SORCS2: variants seen among roughly 807,000 people sequenced by gnomAD.
SORCS2 encodes the protein VPS10 domain-containing receptor SorCS2.
SORCS2 carries 100 observed loss-of-function variants against 141.6 expected under a neutral mutation model. The ratio of observed to expected loss-of-function variants is 0.71; its 90% CI spans 0.60 to 0.83. SORCS2 has a LOEUF of 0.83. SORCS2 is among the 40% of genes least tolerant of loss of function. SORCS2 has a pLI of 0.00. For synonymous variants in SORCS2, 789 were observed against 676.9 expected, an observed-to-expected ratio of 1.17 and a Z score of -2.57; for missense variants, 1,646 against 1,560.2, an observed-to-expected ratio of 1.05 and a Z score of -0.93.
intron 1 of SORCS2, among the ~76,000 whole-genome samples, chr4:7,298,595 G>A (rs1030406887): frequency 1.2e-4 from 19 of 152,292 alleles, no homozygotes; most frequent in Non-Finnish European, 2.1e-4. Context: ...AAGGACCCAG[G>A]TTTCTGCCGC....
rs905387142 is a variant in SORCS2, at chr4:7,201,502, G to A, written c.480+8376G>A. Among the ~76,000 whole-genome samples, 11 of 152,212 alleles carry A rather than the reference G, an allele frequency of 7.2e-5. No homozygotes were observed. Among genetic ancestry groups the A allele is most frequent in the African/African-American group, 2.4e-4 (10 of 41,464 alleles). ...CTTGCGTGGGCCTCTCGGCGTAGCC[G>A]TTACTTTATTTTATGGTGATTTTTC... On this transcript the variant is annotated intron_variant, in intron 1 of 26. Transcript: ENST00000507866. The surrounding 1 kb of genome is among the most constrained non-coding windows in gnomAD (Gnocchi z 4.4).
At chr4:7,574,959 C>T (rs890615335) in intron 3 of SORCS2, among the ~76,000 whole-genome samples, 3 of 152,204 alleles carry the variant, frequency 2.0e-5, no homozygotes, top group Non-Finnish European at 4.4e-5. Context: ...CAAGAGCACT[C>T]CAGATGCCTG....
chr4:7,381,603 C>T (rs528559297), intron 1 of SORCS2, among the ~76,000 whole-genome samples: 14 of 152,176 alleles, frequency 9.2e-5, no homozygotes, highest in Non-Finnish European at 1.6e-4. Flanking sequence ...TAAGAGGAAC[C>T]CCTCAGGCAG....
chr4:7,476,555 C>T (rs1730304817), intron 2 of SORCS2, among the ~76,000 whole-genome samples: 1 of 151,876 alleles, frequency 6.6e-6, no homozygotes, highest in South Asian at 2.1e-4. Context: ...CAGGTTGACA[C>T]ATAAAACCTG....
chr4:7,317,037 A>T (rs1718607409), intron 1 of SORCS2, among the ~76,000 whole-genome samples: 1 of 152,178 alleles, frequency 6.6e-6, no homozygotes. Context: ...ACTCTCTCCA[A>T]GCAGCCATAG....
At chr4:7,284,073 A>C (rs189448571) in intron 1 of SORCS2, among the ~76,000 whole-genome samples, 1 of 152,108 alleles carries the variant, frequency 6.6e-6, no homozygotes, top group Non-Finnish European at 1.5e-5. Flanking sequence ...AGCCATCACA[A>C]AGTCAGAGGA....
At chr4:7,280,865 G>A (rs534968623) in intron 1 of SORCS2, among the ~76,000 whole-genome samples, 1 of 152,330 alleles carries the variant, frequency 6.6e-6, no homozygotes, top group East Asian at 1.9e-4. Flanking sequence ...GTCAGCACCT[G>A]GTACCCGGTG....
At chr4:7,496,644 G>C (rs1229338817) in intron 2 of SORCS2, among the ~76,000 whole-genome samples, 1 of 151,988 alleles carries the variant, frequency 6.6e-6, no homozygotes, top group African/African-American at 2.4e-5. Context: ...GAGAGTGGCC[G>C]GGAGAAAGGA....
At chr4:7,249,019 G>C (rs1446522553) in intron 1 of SORCS2, among the ~76,000 whole-genome samples, 2 of 152,248 alleles carry the variant, frequency 1.3e-5, no homozygotes, top group Admixed American at 6.5e-5. Context: ...GGATTATGCA[G>C]TTTGTATCAG....
chr4:7,240,988 G>C (rs998017399), intron 1 of SORCS2, among the ~76,000 whole-genome samples: 2 of 152,182 alleles, frequency 1.3e-5, no homozygotes, highest in African/African-American at 4.8e-5. Context: ...AGGCTGGAGT[G>C]CAATGGCACG....
intron 4 of SORCS2, among the ~76,000 whole-genome samples, chr4:7,640,144 AGT>A (rs1373636282): frequency 3.3e-5 from 5 of 150,296 alleles, no homozygotes; most frequent in African/African-American, 9.8e-5. Flanking sequence ...AGTGTACATG[AGT>A]GTGTGGTGTG....
intron 2 of SORCS2, among the ~76,000 whole-genome samples, chr4:7,480,567 G>C (rs1237479857): frequency 6.6e-6 from 1 of 152,200 alleles, no homozygotes; most frequent in Admixed American, 6.5e-5. Flanking sequence ...CCCAGCCCTC[G>C]CTCCACCCTC....
chr4:7,222,634 C>T (rs1728778755), intron 1 of SORCS2, among the ~76,000 whole-genome samples: 1 of 152,172 alleles, frequency 6.6e-6, no homozygotes, highest in African/African-American at 2.4e-5. Context: ...AGAGCTGTTT[C>T]AAGAGAAGGG....
At chr4:7,332,109 T>C (rs534770834) in intron 1 of SORCS2, among the ~76,000 whole-genome samples, 4 of 152,318 alleles carry the variant, frequency 2.6e-5, no homozygotes, top group Admixed American at 2.6e-4. Flanking sequence ...GAGCACCAAC[T>C]GTGTGCCTGG....
At chr4:7,631,003 A>G (rs1005647763) in intron 3 of SORCS2, among the ~76,000 whole-genome samples, 1 of 151,150 alleles carries the variant, frequency 6.6e-6, no homozygotes, top group Non-Finnish European at 1.5e-5. Flanking sequence ...CCAGAGCTCT[A>G]GCGAGGCGAG....
At chr4:7,518,434 A>G (rs1382649997) in intron 2 of SORCS2, among the ~76,000 whole-genome samples, 2 of 152,246 alleles carry the variant, frequency 1.3e-5, no homozygotes, top group African/African-American at 4.8e-5. Context: ...TCCTCTCCAC[A>G]GAAGGCAGCT....
intron 1 of SORCS2, among the ~76,000 whole-genome samples, chr4:7,229,886 G>A (rs1711709858): frequency 6.7e-6 from 1 of 149,676 alleles, no homozygotes; most frequent in East Asian, 1.9e-4. Flanking sequence ...GCAGTGTGGT[G>A]TGCTCATGTA....
intron 3 of SORCS2, among the ~76,000 whole-genome samples, chr4:7,610,030 T>C (rs1718307738): frequency 6.6e-6 from 1 of 152,188 alleles, no homozygotes; most frequent in Admixed American, 6.5e-5. Flanking sequence ...ATCATGAGGT[T>C]GATGATTAGC....
chr4:7,203,679 C>A lies in SORCS2; in HGVS notation c.480+10553C>A, dbSNP rs547214085. ...TGGTAAAATATATGTAACATAAATT[C>A]ACTGTTTTAATGCTTTTTCAGTGTA... On this transcript the variant is annotated intron_variant, in intron 1 of 26. Transcript: ENST00000507866. Among the ~76,000 whole-genome samples, 6 of 152,258 alleles carry A rather than the reference C, an allele frequency of 3.9e-5. No homozygotes were observed. In the South Asian group the frequency reaches 1.2e-3, roughly 32 times the overall value.
Sources: allele counts gnomAD v4.1 joint callset (sites outside exome capture counted in the v4.1 genomes callset), GRCh38; gene constraint gnomAD v4.1.1; non-coding constraint Gnocchi (gnomAD v3.1); transcripts MANE v1.5; gene names NCBI Gene and HGNC (gene_info 2026-07-23, HGNC 2026-07-21).